The following GPBP1 variants were observed in gnomAD, a reference collection of about 807,000 sequenced individuals.
GPBP1 encodes the protein vasculin.
A neutral mutation model predicts 56.5 loss-of-function variants in GPBP1; 13 were observed. The observed-to-expected ratio is 0.23, with a 90% CI of 0.15 to 0.37. The LOEUF is 0.37. Among genes scored for constraint, GPBP1 ranks in the 10% least tolerant of loss-of-function variants. The probability of loss-of-function intolerance (pLI) is 1.00; values close to 1 mark genes in which losing one functional copy is unlikely to be tolerated. For synonymous variants in GPBP1, 204 were observed against 188.9 expected (o/e 1.08, Z -0.66); for missense variants, 477 against 572.3 (o/e 0.83, Z 1.70).
intron 2 of GPBP1, among the ~76,000 whole-genome samples, chr5:57,194,294 G>T (rs1754655045): frequency 6.6e-6 from 1 of 152,178 alleles, no homozygotes; most frequent in Non-Finnish European, 1.5e-5. Context: ...ATAATGCCCA[G>T]TTGTTCTCCA....
At chr5:57,237,688 C>G (rs987514686) in intron 6 of GPBP1, among the ~76,000 whole-genome samples, 1 of 152,040 alleles carries the variant, frequency 6.6e-6, no homozygotes, top group African/African-American at 2.4e-5. Flanking sequence ...TCTCACTTTC[C>G]CCCCTGGGTT....
chr5:57,212,760 C>T (rs1205318229), intron 2 of GPBP1, among the ~76,000 whole-genome samples: 1 of 150,402 alleles, frequency 6.6e-6, no homozygotes, highest in East Asian at 2.0e-4. Flanking sequence ...ATCTCCATCT[C>T]CTGGGTTCAA....
At chr5:57,219,197 G>A in intron 3 of GPBP1, among the ~76,000 whole-genome samples, 1 of 151,716 alleles carries the variant, frequency 6.6e-6, no homozygotes, top group East Asian at 1.9e-4. Context: ...CCAACATGGT[G>A]AAACCCCGTT....
intron 2 of GPBP1, among the ~76,000 whole-genome samples, chr5:57,182,870 A>G (rs1283436576): frequency 6.6e-6 from 1 of 151,968 alleles, no homozygotes; most frequent in East Asian, 1.9e-4. Context: ...TTTTGTAGAG[A>G]GAGAGTCTTG....
At chr5:57,180,686 AAT>A (rs1347274050) in intron 2 of GPBP1, among the ~76,000 whole-genome samples, 1 of 152,098 alleles carries the variant, frequency 6.6e-6, no homozygotes, top group African/African-American at 2.4e-5. Flanking sequence ...TACTGATGGA[AAT>A]ATATATGGAG....
intron 3 of GPBP1, among the ~76,000 whole-genome samples, chr5:57,224,506 G>T (rs1756094678): frequency 6.6e-6 from 1 of 152,094 alleles, no homozygotes; most frequent in Admixed American, 6.5e-5. Context: ...GCCTCCCAAA[G>T]TGCTGGGATT....
chr5:57,177,481 A>C (rs574054890), intron 2 of GPBP1, among the ~76,000 whole-genome samples: 238 of 151,956 alleles, frequency 1.6e-3, no homozygotes, highest in Middle Eastern at 3.4e-3. Context: ...CGAAAGACTA[A>C]TTTTTATTTG....
intron 2 of GPBP1, among the ~76,000 whole-genome samples, chr5:57,211,443 T>TTCCCAGAGTGAAGTGAA (rs1231779814): frequency 1.3e-5 from 2 of 152,200 alleles, no homozygotes; most frequent in Non-Finnish European, 2.9e-5. Flanking sequence ...CCCACTTCAC[T>TTCCCAGAGTGAAGTGAA]TCCCAGAGTG....
intron 8 of GPBP1, 138 bp downstream of exon 8, chr5:57,247,353 C>T (rs1741142777): frequency 4.2e-6 from 3 of 719,404 alleles, no homozygotes; most frequent in Admixed American, 7.3e-5. Context: ...TCATTTACTT[C>T]ATTTGTTAAC....
At chr5:57,220,026 G>A (rs1755886304) in intron 3 of GPBP1, among the ~76,000 whole-genome samples, 1 of 150,586 alleles carries the variant, frequency 6.6e-6, no homozygotes, top group South Asian at 2.1e-4. Flanking sequence ...ACTTCAGCCT[G>A]GGCAACAAGA....
intron 3 of GPBP1, among the ~76,000 whole-genome samples, chr5:57,219,639 GTCCTGCCTGGATGCATATGGGTT>G (rs1755866337): frequency 6.6e-6 from 1 of 151,934 alleles, no homozygotes; most frequent in Non-Finnish European, 1.5e-5. Context: ...ATTTTCCCCA[GTCCTGCCTGGATGCATATGGGTT>G]TCCTGCTTTC....
At chr5:57,237,315 T>A in intron 6 of GPBP1, 1 of 672,168 alleles carries the variant, frequency 1.5e-6, no homozygotes. Flanking sequence ...AAATCAAGAA[T>A]GCCAGTGAGC....
intron 10 of GPBP1, among the ~76,000 whole-genome samples, chr5:57,257,888 G>A (rs1741734130): frequency 6.6e-6 from 1 of 152,182 alleles, no homozygotes; most frequent in African/African-American, 2.4e-5. Flanking sequence ...TTGTTTTAAG[G>A]GTGTTGAGTG....
intron 10 of GPBP1, 87 bp from the exon 11 acceptor site, chr5:57,261,093 G>A: frequency 2.4e-6 from 2 of 845,836 alleles, no homozygotes; most frequent in Non-Finnish European, 3.9e-6. Context: ...GGATCCTGGT[G>A]GATCATGTTT....
intron 3 of GPBP1, among the ~76,000 whole-genome samples, chr5:57,223,586 C>T (rs187347568): frequency 2.6e-5 from 4 of 152,016 alleles, no homozygotes; most frequent in African/African-American, 7.2e-5. Context: ...CTAGAAGAGC[C>T]GCCTCAAAAT....
chr5:57,250,907 T>C, intron 9 of GPBP1, 47 bp from the exon 10 acceptor site: 1 of 1,250,988 alleles, frequency 8.0e-7, no homozygotes, highest in Non-Finnish European at 1.1e-6. Flanking sequence ...ATAACTGTAT[T>C]CTGTAGAACT....
chr5:57,206,757 G>A (rs778941400), intron 2 of GPBP1, among the ~76,000 whole-genome samples: 5 of 152,090 alleles, frequency 3.3e-5, no homozygotes, highest in Non-Finnish European at 7.4e-5. Context: ...AGACAATTCC[G>A]TATTGAATCA....
At chr5:57,260,796 G>T (rs1222987900) in intron 10 of GPBP1, among the ~76,000 whole-genome samples, 1 of 152,158 alleles carries the variant, frequency 6.6e-6, no homozygotes, top group African/African-American at 2.4e-5. Context: ...CAGTGTTCAT[G>T]ACTGCCCAAG....
At chr5:57,237,276 T>G in intron 6 of GPBP1, 1 of 830,350 alleles carries the variant, frequency 1.2e-6, no homozygotes, top group Non-Finnish European at 2.0e-6. Flanking sequence ...TTAGGAATAA[T>G]TTGGATTTGA....
Sources: gnomAD v4.1 joint callset for allele counts (sites outside exome capture counted in the v4.1 genomes callset) on GRCh38, gnomAD v4.1.1 for gene constraint, MANE v1.5 for transcripts, NCBI Gene and HGNC (gene_info 2026-07-23, HGNC 2026-07-21) for gene names.